The following DMRT1 variants were observed in gnomAD, a reference collection of about 807,000 sequenced individuals.
DMRT1 encodes the protein doublesex- and mab-3-related transcription factor 1.
DMRT1 carries 7 observed loss-of-function variants against 32.3 expected under a neutral mutation model. That is an observed-to-expected ratio of 0.22 (90% CI 0.12 to 0.41). The LOEUF (loss-of-function observed/expected upper bound fraction) is 0.41, where lower values mean the gene tolerates loss of function less well. Among genes scored for constraint, DMRT1 ranks in the 10% least tolerant of loss-of-function variants. The pLI is 1.00. For missense variants in DMRT1, 625 were observed against 500.5 expected (o/e 1.25, Z -2.37); for synonymous variants, 278 against 206.1 (o/e 1.35, Z -2.99).
chr9:935,938 C>G (rs1818871588), intron 4 of DMRT1, among the ~76,000 whole-genome samples: 1 of 152,136 alleles, frequency 6.6e-6, no homozygotes, highest in Admixed American at 6.5e-5. Flanking sequence ...AGAAAAGTGC[C>G]ACCTATCCCC....
chr9:965,655 T>C lies in DMRT1; in HGVS notation c.968-2330T>C, dbSNP rs1819908985. On this transcript the variant is annotated intron_variant, in intron 4 of 4. Coordinates refer to ENST00000382276, the MANE Select transcript of DMRT1 (RefSeq NM_021951.3). This position sits in a 1 kb window ranked among gnomAD's most constrained non-coding sequence, Gnocchi z 4.5. Reference sequence around the variant, plus strand: ...AAACAGGCCCAGGGCTCTGAACATGTTGGGAGAACACATACCTATTCCTTT... The same window carrying C: ...AAACAGGCCCAGGGCTCTGAACATGCTGGGAGAACACATACCTATTCCTTT... 6.6e-6 allele frequency among the ~76,000 whole-genome samples: 1 copy of C among 152,188 alleles called. No individual in the cohort carries two copies. The highest frequency in any genetic ancestry group is 2.4e-5 in the African/African-American group (1 of 41,442).
chr9:927,407 G>C (rs1278099507), intron 4 of DMRT1, among the ~76,000 whole-genome samples: 1 of 152,168 alleles, frequency 6.6e-6, no homozygotes, highest in Non-Finnish European at 1.5e-5. Flanking sequence ...TTACTGCTTT[G>C]AAGCTCGTCA....
intron 1 of DMRT1, among the ~76,000 whole-genome samples, chr9:844,858 C>T (rs916339243): frequency 7.2e-5 from 11 of 151,754 alleles, no homozygotes; most frequent in Non-Finnish European, 1.3e-4. Flanking sequence ...GTAGCTGGGA[C>T]TACAGGCACA....
Position 858,953 on chromosome 9 carries a change from A to G in DMRT1, c.538+11810A>G, listed in dbSNP as rs182107146. On this transcript the variant is annotated intron_variant, in intron 2 of 4. Transcript: ENST00000382276. ...AGTGGTATTAGGTACATTCACCATA[A>G]TGTGCAACTGTCACCACCATCCATC... 1.5e-3 allele frequency among the ~76,000 whole-genome samples: 230 copies of G among 151,752 alleles called. 1 individual carries two copies. The highest frequency in any genetic ancestry group is 2.7e-3 in the East Asian group (14 of 5,162).
Position 847,028 on chromosome 9 carries a change from T to G in DMRT1, c.423T>G (p.Ser141Arg). Residue 141 changes from serine (S) to arginine (R), a missense_variant, in exon 2 of 5, where the codon AGT becomes AGG. Physicochemically the swap from Ser to Arg is moderately radical, Grantham distance 110. Coordinates refer to ENST00000382276, the MANE Select transcript of DMRT1 (RefSeq NM_021951.3). ...TCAGCCACCCCATCCCACTGCCCAG[T>G]GCGGCCGAGCTGCTTGTCAAAAGAG... The part of the protein sequence containing the change: ...LGISHPIPLP[S>R]AAELLVKREN... 1.2e-6 allele frequency: 2 copies of G among 1,614,152 alleles called. No individual in the cohort carries two copies. The highest frequency in any genetic ancestry group is 1.1e-5 in the South Asian group (1 of 91,074).
chr9:945,266 G>A lies in DMRT1; in HGVS notation c.968-22719G>A, dbSNP rs141622185. Among the ~76,000 whole-genome samples the A allele has an allele frequency of 1.4e-3, 211 of 152,212 alleles. 2 individuals are homozygous for A. The highest frequency in any genetic ancestry group is 4.1e-3 in the African/African-American group (169 of 41,554). ...CCTCCCAGGTTCAAACGATTCTCCTGCTTCAGCCTTTTGAGTAGCTGGGAT... is the reference window on the plus strand; with the variant it reads ...CCTCCCAGGTTCAAACGATTCTCCTACTTCAGCCTTTTGAGTAGCTGGGAT... On this transcript the variant is annotated intron_variant, in intron 4 of 4. Coordinates refer to ENST00000382276, the MANE Select transcript of DMRT1 (RefSeq NM_021951.3).
At chr9:856,826 AG>A (rs895415098) in intron 2 of DMRT1, among the ~76,000 whole-genome samples, 4 of 152,194 alleles carry the variant, frequency 2.6e-5, no homozygotes, top group South Asian at 4.1e-4. Flanking sequence ...TTTTCCAAAG[AG>A]GCTGCACTAT....
chr9:897,252 A>G (rs935967466), intron 3 of DMRT1, among the ~76,000 whole-genome samples: 2 of 151,810 alleles, frequency 1.3e-5, no homozygotes, highest in African/African-American at 2.4e-5. Context: ...AGCTGGGACT[A>G]CAGGCACGTG....
intron 1 of DMRT1, among the ~76,000 whole-genome samples, chr9:846,431 G>A (rs182509676): frequency 5.1e-4 from 77 of 152,220 alleles, no homozygotes; most frequent in African/African-American, 1.7e-3. Context: ...ATGGAATGAA[G>A]GAGTGAGTGA....
chr9:846,246 C>T (rs371825066), intron 1 of DMRT1, among the ~76,000 whole-genome samples: 3 of 151,760 alleles, frequency 2.0e-5, no homozygotes, highest in African/African-American at 4.8e-5. Flanking sequence ...TTGGCCAGGC[C>T]GATCTCGAAC....
At chr9:857,566 G>C (rs1815452608) in intron 2 of DMRT1, among the ~76,000 whole-genome samples, 1 of 152,092 alleles carries the variant, frequency 6.6e-6, no homozygotes, top group African/African-American at 2.4e-5. Context: ...CTGAAAACGA[G>C]GGAGCAAGAA....
At chr9:892,187 C>G (rs920188085) in intron 2 of DMRT1, among the ~76,000 whole-genome samples, 2 of 152,212 alleles carry the variant, frequency 1.3e-5, no homozygotes, top group Admixed American at 1.3e-4. Context: ...GCAGTTGACA[C>G]CACAGCCTGC....
intron 2 of DMRT1, among the ~76,000 whole-genome samples, chr9:888,388 C>G (rs1586570421): frequency 6.6e-6 from 1 of 151,978 alleles, no homozygotes; most frequent in African/African-American, 2.4e-5. Flanking sequence ...TCACTGCACC[C>G]TCTGCCTCCC....
intron 2 of DMRT1, among the ~76,000 whole-genome samples, chr9:871,256 G>C (rs986486051): frequency 1.3e-5 from 2 of 151,430 alleles, no homozygotes; most frequent in Non-Finnish European, 2.9e-5. Flanking sequence ...TTGAATTATT[G>C]AGCTCGAGCA....
intron 3 of DMRT1, among the ~76,000 whole-genome samples, chr9:914,517 T>G (rs1327369093): frequency 2.3e-5 from 3 of 128,472 alleles, no homozygotes; most frequent in African/African-American, 9.1e-5. Context: ...GAGCTTGCAA[T>G]GAGCCAATAT....
At chr9:936,264 T>C (rs1564262822) in intron 4 of DMRT1, among the ~76,000 whole-genome samples, 1 of 152,230 alleles carries the variant, frequency 6.6e-6, no homozygotes, top group Non-Finnish European at 1.5e-5. Context: ...ATTAGACTTA[T>C]CAGAGGTCTG....
At chr9:956,909 G>A (rs1188408420) in intron 4 of DMRT1, among the ~76,000 whole-genome samples, 1 of 152,120 alleles carries the variant, frequency 6.6e-6, no homozygotes, top group Non-Finnish European at 1.5e-5. Flanking sequence ...GGCTTCAGGT[G>A]GGCTGCAGCT....
At chr9:931,505 G>C (rs970332249) in intron 4 of DMRT1, among the ~76,000 whole-genome samples, 3 of 152,172 alleles carry the variant, frequency 2.0e-5, no homozygotes, top group African/African-American at 7.2e-5. Context: ...TAACAAAAAG[G>C]CACAGACTAG....
intron 4 of DMRT1, among the ~76,000 whole-genome samples, chr9:966,547 A>G (rs1819935815): frequency 6.6e-6 from 1 of 152,184 alleles, no homozygotes; most frequent in African/African-American, 2.4e-5. Flanking sequence ...AGGTAGCTGT[A>G]CAAAACTATC....
Sources: gnomAD v4.1 joint callset for allele counts (sites outside exome capture counted in the v4.1 genomes callset) on GRCh38, gnomAD v4.1.1 for gene constraint, Gnocchi (gnomAD v3.1) non-coding constraint, MANE v1.5 for transcripts, NCBI Gene and HGNC (gene_info 2026-07-23, HGNC 2026-07-21) for gene names.